MFGE8: variants seen among roughly 807,000 people sequenced by gnomAD.
MFGE8 encodes the protein lactadherin.
In MFGE8, 34 loss-of-function variants were observed where a neutral mutation model predicts 42.6. The observed-to-expected ratio is 0.80, with a 90% confidence interval of 0.61 to 1.06. MFGE8 has a LOEUF of 1.06. Ranked by LOEUF, MFGE8 falls within the 50% of genes least tolerant of loss-of-function variation. MFGE8 has a pLI of 0.00. For synonymous variants in MFGE8, 230 were observed against 214.8 expected (o/e 1.07, Z -0.62); for missense variants, 510 against 516.9 (o/e 0.99, Z 0.13).
chr15:88,898,735 GA>G lies in MFGE8; in HGVS notation c.*659del. 1 of 155,342 alleles carries G rather than the reference GA, an allele frequency of 6.4e-6. No individual in the cohort carries two copies. The highest frequency in any genetic ancestry group is 1.4e-5 in the Non-Finnish European group (1 of 69,960). 9.6% of individuals were successfully genotyped at this position (155,342 alleles called of 1,614,324 possible). On this transcript the variant is annotated 3_prime_UTR_variant, in exon 8 of 8. Coordinates refer to ENST00000268150, the MANE Select transcript of MFGE8 (RefSeq NM_005928.4). ...GGAAGCTGCCTGTGTCCTCTGGGGT[GA>G]AAAGCCAGCATAGAGGGCCCCAAAC...
At chr15:88,901,517 A>AAACCAACAAATGGGTCC in intron 6 of MFGE8, 34 bp downstream of exon 6, 1 of 1,072,616 alleles carries the variant, frequency 9.3e-7, no homozygotes. Context: ...ATCCCACCCA[A>AAACCAACAAATGGGTCC]CCCCAGCCCC....
At position 88,905,052 on chromosome 15, in the gene MFGE8, C is replaced by T. The variant is rs67446697; in HGVS notation, c.685+705G>A. ...GCACTCTGACCTCGCCCAGGCTGTC[C>T]CCTGGCTCTGCAGAAATCTGTCCCT... is the stretch of plus-strand genomic sequence containing the variant. On this transcript the variant is annotated intron_variant, in intron 5 of 7. Transcript: ENST00000268150. This position sits in a 1 kb window ranked among gnomAD's most constrained non-coding sequence, Gnocchi z 6.6. The T allele has an allele frequency of 0.1, 17,385 of 166,082 alleles. 1,062 individuals carry two copies. Among genetic ancestry groups the T allele is most frequent in the Non-Finnish European group, 0.14 (10,442 of 76,424 alleles). 10.3% of individuals were successfully genotyped at this position (166,082 alleles called of 1,614,324 possible).
Position 88,907,273 on chromosome 15 carries a change from C to T in MFGE8, c.309G>A (p.Pro103=), listed in dbSNP as rs535451948. The change falls in exon 3 of 8, where the codon CCG becomes CCA. Residue 103 remains proline (P), a synonymous_variant. Coordinates refer to ENST00000268150, the MANE Select transcript of MFGE8 (RefSeq NM_005928.4). ...CTGCGCGGTTCAGGCGGGCCAGCTCCGGGACCCAATGCTGCAAACCCAAGA... is the reference window on the plus strand; with the variant it reads ...CTGCGCGGTTCAGGCGGGCCAGCTCTGGGACCCAATGCTGCAAACCCAAGA... ...VTFLGLQHWV[P]ELARLNRAGM... 9.3e-6 allele frequency: 15 copies of T among 1,614,050 alleles called. No homozygotes were observed. The highest frequency in any genetic ancestry group is 5.0e-5 in the Admixed American group (3 of 60,002).
intron 6 of MFGE8, among the ~76,000 whole-genome samples, chr15:88,901,222 CAT>C (rs1211947004): frequency 1.8e-5 from 2 of 112,346 alleles, no homozygotes; most frequent in Non-Finnish European, 4.3e-5. Flanking sequence ...CACATTCACA[CAT>C]ACACATTCAC....
At chr15:88,904,444 A>C (rs1300614459) in intron 5 of MFGE8, 1 of 152,208 alleles carries the variant, frequency 6.6e-6, no homozygotes, top group African/African-American at 2.4e-5. Flanking sequence ...TGAAGGAAGC[A>C]GACAGGGTAC....
rs1240486689 is a variant in MFGE8, at chr15:88,906,818, G to A, written c.388-40C>T. 5.6e-6 allele frequency: 9 copies of A among 1,610,810 alleles called. No homozygotes were observed. The highest frequency in any genetic ancestry group is 1.3e-5 in the African/African-American group (1 of 74,882). ...GGGGAGATGGCACCCTTATCTCCTG[G>A]GTTCTTTCCACTCAAGATCCAAGCA... On this transcript the variant is annotated intron_variant, in intron 3 of 7. Coordinates refer to ENST00000268150, the MANE Select transcript of MFGE8 (RefSeq NM_005928.4). This position sits in a 1 kb window ranked among gnomAD's most constrained non-coding sequence, Gnocchi z 4.2.
chr15:88,912,546 C>A, intron 1 of MFGE8: 1 of 985,392 alleles, frequency 1.0e-6, no homozygotes, highest in Non-Finnish European at 1.2e-6. Flanking sequence ...GCAAGTCCAG[C>A]CTGCAAGGGG....
At chr15:88,900,949 C>T (rs17202544) in intron 6 of MFGE8, among the ~76,000 whole-genome samples, 56,959 of 150,196 alleles carry the variant, frequency 0.38, 11,558 homozygotes, top group Non-Finnish European at 0.45. Context: ...ATGGCTCTCC[C>T]CTTGTGTACA....
rs1488583898 is a variant in MFGE8 at position 88,905,039 on chromosome 15, C to T, written c.685+718G>A. ...CAGCCCAAACCCGGCACTCTGACCTCGCCCAGGCTGTCCCCTGGCTCTGCA... is the reference window on the plus strand; with the variant it reads ...CAGCCCAAACCCGGCACTCTGACCTTGCCCAGGCTGTCCCCTGGCTCTGCA... On this transcript the variant is annotated intron_variant, in intron 5 of 7. Coordinates refer to ENST00000268150, the MANE Select transcript of MFGE8 (RefSeq NM_005928.4). The surrounding 1 kb of genome is among the most constrained non-coding windows in gnomAD (Gnocchi z 6.6). 6.1e-6 allele frequency: 1 copy of T among 164,232 alleles called. No homozygotes were observed. Among genetic ancestry groups the T allele is most frequent in the Non-Finnish European group, 1.3e-5 (1 of 75,290 alleles). The allele number at this position is 164,232 out of a possible 1,614,324, so 10.2% of individuals were successfully genotyped here.
chr15:88,911,739 GAA>G (rs71149239), intron 1 of MFGE8, among the ~76,000 whole-genome samples: 40 of 140,342 alleles, frequency 2.9e-4, no homozygotes, highest in African/African-American at 7.4e-4. Context: ...AAAGAAAAAA[GAA>G]AAAAAAAAAA....
chr15:88,912,247 G>A (rs1010373809), intron 1 of MFGE8: 7 of 1,289,764 alleles, frequency 5.4e-6, no homozygotes, highest in African/African-American at 1.5e-5. Flanking sequence ...TTTGGCCAGA[G>A]TTCAGGTTGG....
In MFGE8 at chr15:88,910,459, C is replaced by T. The variant is rs915352551; in HGVS notation, c.74-536G>A. ...CAGCACGATGATCATCCAGGAAACA[C>T]TGGGAGGGCCAATGACCATGCTAGG... is the stretch of plus-strand genomic sequence containing the variant. On this transcript the variant is annotated intron_variant, in intron 1 of 7. Transcript: ENST00000268150. 17 of 210,478 alleles carry T rather than the reference C, an allele frequency of 8.1e-5. 1 individual carries two copies. In the South Asian group the frequency reaches 1.1e-3, roughly 14 times the overall value. 13.0% of individuals were successfully genotyped at this position (210,478 alleles called of 1,614,324 possible).
rs1596197188 is a variant in MFGE8, at chr15:88,906,498, T to C, written c.540+128A>G. ...GTTTCCCAATTTCTAGAAGCCAAGATGCACCCGAAGACCCACATCATAGCC... is the reference window on the plus strand; with the variant it reads ...GTTTCCCAATTTCTAGAAGCCAAGACGCACCCGAAGACCCACATCATAGCC... On this transcript the variant is annotated intron_variant, in intron 4 of 7. Transcript: ENST00000268150. The surrounding 1 kb of genome is among the most constrained non-coding windows in gnomAD (Gnocchi z 4.2). The C allele has an allele frequency of 1.9e-6, 2 of 1,069,990 alleles. No individual in the cohort carries two copies. Among genetic ancestry groups the C allele is most frequent in the East Asian group, 4.8e-5 (2 of 41,954 alleles). 66.3% of individuals were successfully genotyped at this position (1,069,990 alleles called of 1,614,324 possible).
chr15:88,912,355 G>A (rs1332155192), intron 1 of MFGE8: 1 of 985,174 alleles, frequency 1.0e-6, no homozygotes, highest in Non-Finnish European at 1.2e-6. Flanking sequence ...GGAGCTTGGA[G>A]CACTCTGGAA....
chr15:88,900,142 T>G (rs61234931), intron 6 of MFGE8, among the ~76,000 whole-genome samples: 42,609 of 150,790 alleles, frequency 0.28, 6,810 homozygotes, highest in African/African-American at 0.42. Context: ...CTAGGGAGGC[T>G]GAGTCAGAAG....
chr15:88,900,190 C>T (rs957816314), intron 6 of MFGE8, among the ~76,000 whole-genome samples: 6 of 149,626 alleles, frequency 4.0e-5, no homozygotes, highest in Non-Finnish European at 5.9e-5. Context: ...TGCGGTGAGC[C>T]GAGATGGCGC....
intron 1 of MFGE8, 64 bp downstream of exon 1, chr15:88,913,183 G>C: frequency 6.8e-7 from 1 of 1,475,208 alleles, no homozygotes; most frequent in South Asian, 1.3e-5. Flanking sequence ...GGCGGGCGCC[G>C]GGCAAACTTC....
At position 88,903,504 on chromosome 15, in the gene MFGE8, G is replaced by C. The variant is rs1193097628; in HGVS notation, c.686-1769C>G. 2.6e-5 allele frequency: 4 copies of C among 151,730 alleles called. No individual in the cohort carries two copies. The highest frequency in any genetic ancestry group is 4.8e-5 in the African/African-American group (2 of 41,264). 9.4% of individuals were successfully genotyped at this position (151,730 alleles called of 1,614,324 possible). A position where few individuals can be genotyped will look rare whatever the true frequency, so the allele number is the denominator to read the frequency against. ...TTTGTTTTTTTGTTTGTTTGTTTGA[G>C]ACACAGTCTCGCTCTGTCACCCAGG... On this transcript the variant is annotated intron_variant, in intron 5 of 7. Coordinates refer to ENST00000268150, the MANE Select transcript of MFGE8 (RefSeq NM_005928.4). This position sits in a 1 kb window ranked among gnomAD's most constrained non-coding sequence, Gnocchi z 4.9.
At chr15:88,901,332 CACAT>C (rs1201763407) in intron 6 of MFGE8, among the ~76,000 whole-genome samples, 1 of 136,806 alleles carries the variant, frequency 7.3e-6, no homozygotes, top group Non-Finnish European at 1.7e-5. Context: ...CACACACACA[CACAT>C]ACACACACAC....
Sources: allele counts gnomAD v4.1 joint callset (sites outside exome capture counted in the v4.1 genomes callset), GRCh38; gene constraint gnomAD v4.1.1; non-coding constraint Gnocchi (gnomAD v3.1); transcripts MANE v1.5; gene names NCBI Gene and HGNC (gene_info 2026-07-23, HGNC 2026-07-21).